Variants in CDC40 observed in about 807,000 individuals in gnomAD.
CDC40 encodes the protein pre-mRNA-processing factor 17.
Under a neutral mutation model 80.6 loss-of-function variants are expected in CDC40, and 27 were observed. The ratio of observed to expected loss-of-function variants is 0.33; its 90% CI spans 0.25 to 0.46. The LOEUF is 0.46. CDC40 is among the 20% of genes least tolerant of loss of function. The pLI, the probability that CDC40 is intolerant of heterozygous loss-of-function variation, is 1.00. For missense variants in CDC40, 486 were observed against 694.1 expected, an observed-to-expected ratio of 0.70 and a Z score of 3.37; for synonymous variants, 221 against 232.6, an observed-to-expected ratio of 0.95 and a Z score of 0.45.
chr6:110,219,746 G>T lies in CDC40; in HGVS notation c.1217G>T (p.Arg406Leu). The T allele has an allele frequency of 6.2e-7, 1 of 1,613,884 alleles. No individual in the cohort carries two copies. The highest frequency in any genetic ancestry group is 8.5e-7 in the Non-Finnish European group (1 of 1,179,928). ...TTGCCTGATACACAGTGGGACATTC[G>T]AAGTGGAGAAATTGTGCAGGAATAT... Reference protein sequence around the residue: ...SDKKIVQWDIRSGEIVQEYDR... With the variant: ...SDKKIVQWDILSGEIVQEYDR... Residue 406 changes from arginine (R) to leucine (L), a missense_variant, in exon 12 of 15, where the codon CGA becomes CTA. Physicochemically the swap from Arg to Leu is moderately radical, Grantham distance 102. This residue lies in a region of CDC40 where 381 missense variants were observed against 492.1 expected (regional missense o/e 0.77). Transcript: ENST00000307731.
chr6:110,210,203 A>G (rs1777618792), intron 5 of CDC40, among the ~76,000 whole-genome samples: 1 of 151,816 alleles, frequency 6.6e-6, no homozygotes, highest in Admixed American at 6.6e-5. Flanking sequence ...AGTATTATCT[A>G]GTATCCATTA....
Position 110,230,073 on chromosome 6 carries a change from A to G in CDC40, c.1682A>G (p.His561Arg). 1 of 1,612,894 alleles carries G rather than the reference A, an allele frequency of 6.2e-7. No homozygotes were observed. Among genetic ancestry groups the G allele is most frequent in the African/African-American group, 1.3e-5 (1 of 75,022 alleles). Reference sequence around the variant, plus strand: ...TGTATAGGTGCAGTGTGGCATCCTCATGAAACTTCTAAGGTCATAACATGT... The same window carrying G: ...TGTATAGGTGCAGTGTGGCATCCTCGTGAAACTTCTAAGGTCATAACATGT... ...KVCIGAVWHP[H>R]ETSKVITCGW... is the part of the protein sequence containing the mutation. The change falls in exon 15 of 15, where the codon CAT becomes CGT. Residue 561 changes from histidine to arginine, a missense_variant. Transcript: ENST00000307731.
chr6:110,220,501 G>A lies in CDC40; in HGVS notation c.1340+632G>A, dbSNP rs939275282. 5.9e-5 allele frequency among the ~76,000 whole-genome samples: 8 copies of A among 134,614 alleles called. No homozygotes were observed. In the Admixed American group the frequency reaches 6.2e-4, roughly 10 times the overall value. 88.3% of individuals were successfully genotyped at this position (134,614 alleles called of 152,430 possible). On this transcript the variant is annotated intron_variant, in intron 12 of 14. Coordinates refer to ENST00000307731, the MANE Select transcript of CDC40 (RefSeq NM_015891.3). ...TTCTTGCTGTGCCACCCAGGCTGCA[G>A]TGGCGCAATCTCAGCTCACTGCAAG...
chr6:110,190,214 T>C (rs1036198576), intron 1 of CDC40, among the ~76,000 whole-genome samples: 3 of 151,900 alleles, frequency 2.0e-5, no homozygotes. Flanking sequence ...GGAGGGAAGG[T>C]ATCAGGAAAA....
intron 2 of CDC40, among the ~76,000 whole-genome samples, chr6:110,194,578 AT>A (rs1192075892): frequency 1.3e-5 from 2 of 152,186 alleles, no homozygotes; most frequent in African/African-American, 4.8e-5. Flanking sequence ...GCACATTTTA[AT>A]TTTTATTCCA....
intron 12 of CDC40, among the ~76,000 whole-genome samples, chr6:110,221,319 G>C (rs776966700): frequency 1.3e-5 from 2 of 152,146 alleles, no homozygotes; most frequent in Admixed American, 6.5e-5. Flanking sequence ...CACAGCCAGT[G>C]GTTTCCTCTT....
In CDC40 at chr6:110,180,491, C is replaced by T. The variant is rs1193167852; in HGVS notation, c.47C>T (p.Ser16Leu). 1.4e-5 allele frequency: 22 copies of T among 1,614,078 alleles called. No individual in the cohort carries two copies. Among genetic ancestry groups the T allele is most frequent in the Non-Finnish European group, 1.9e-5 (22 of 1,180,046 alleles). The change falls in exon 1 of 15, where the codon TCA becomes TTA. Residue 16 changes from serine (S) to leucine (L), a missense_variant. By Grantham distance (145) the Ser-to-Leu change is moderately radical. Around this residue, in one of 3 missense-constraint regions of CDC40, gnomAD observed 381 missense variants for 492.1 expected, o/e 0.77. Transcript: ENST00000307731. ...CTGGCCGCTTCCTATGGTTCGGGTTCAGGGTCCGAATCGGACTCGGACAGT... is the reference window on the plus strand; with the variant it reads ...CTGGCCGCTTCCTATGGTTCGGGTTTAGGGTCCGAATCGGACTCGGACAGT... ...AALAASYGSG[S>L]GSESDSDSES...
intron 6 of CDC40, 139 bp from the exon 7 acceptor site, chr6:110,211,994 C>A: frequency 1.6e-6 from 1 of 640,296 alleles, no homozygotes; most frequent in Non-Finnish European, 2.7e-6. Flanking sequence ...GACTCATGAT[C>A]TTGACATCAT....
At chr6:110,223,569 G>A (rs1029588589) in intron 12 of CDC40, among the ~76,000 whole-genome samples, 3 of 152,124 alleles carry the variant, frequency 2.0e-5, no homozygotes, top group African/African-American at 7.2e-5. Context: ...AGGAGAGGAA[G>A]GGAGGCCCTG....
intron 9 of CDC40, 122 bp from the exon 10 acceptor site, chr6:110,217,580 G>A: frequency 3.1e-6 from 2 of 649,008 alleles, no homozygotes; most frequent in South Asian, 3.2e-5. Context: ...GCATTCCAGT[G>A]ATCTTGACTC....
Position 110,220,725 on chromosome 6 carries a change from G to A in CDC40, c.1340+856G>A, listed in dbSNP as rs191866881. Among the ~76,000 whole-genome samples, 742 of 152,280 alleles carry A rather than the reference G, an allele frequency of 4.9e-3. 7 individuals carry two copies. Among genetic ancestry groups the A allele is most frequent in the African/African-American group, 0.015 (626 of 41,558 alleles). On this transcript the variant is annotated intron_variant, in intron 12 of 14. Coordinates refer to ENST00000307731, the MANE Select transcript of CDC40 (RefSeq NM_015891.3). ...CTCCCAAAGTGCTGGGATTACAGGC[G>A]TGAGCCACTGCACCCAGCCAGAAAG... is the stretch of plus-strand genomic sequence containing the variant.
chr6:110,195,790 C>T (rs1005460000), intron 2 of CDC40, among the ~76,000 whole-genome samples: 4 of 152,002 alleles, frequency 2.6e-5, no homozygotes, highest in Non-Finnish European at 5.9e-5. Context: ...CGAGTCCTTA[C>T]CAGAAGAAAG....
At chr6:110,224,692 T>C (rs564163801) in intron 12 of CDC40, among the ~76,000 whole-genome samples, 1 of 152,318 alleles carries the variant, frequency 6.6e-6, no homozygotes, top group Admixed American at 6.5e-5. Context: ...CCCAGCCATG[T>C]TGTGTTTATT....
intron 12 of CDC40, among the ~76,000 whole-genome samples, chr6:110,220,813 A>G (rs1392747824): frequency 1.3e-5 from 2 of 152,184 alleles, no homozygotes; most frequent in Non-Finnish European, 2.9e-5. Flanking sequence ...GTTTCACTTT[A>G]TAAAACCATC....
intron 2 of CDC40, among the ~76,000 whole-genome samples, chr6:110,199,337 A>C (rs939527030): frequency 7.9e-5 from 12 of 151,846 alleles, no homozygotes; most frequent in Admixed American, 1.3e-4. Context: ...TCATGCCTAT[A>C]GACATCCCAG....
In CDC40 at chr6:110,219,352, CT is replaced by C. The variant is rs773641784; in HGVS notation, c.1091-9del. Reference sequence around the variant, plus strand: ...TTTATTTTACCTATTTAATTTGAGTCTTTGGTTTTAGGACAGTGTATATCAA... The same window carrying C: ...TTTATTTTACCTATTTAATTTGAGTCTTGGTTTTAGGACAGTGTATATCAA... On this transcript the variant is annotated splice_polypyrimidine_tract_variant and intron_variant, in intron 10 of 14. Coordinates refer to ENST00000307731, the MANE Select transcript of CDC40 (RefSeq NM_015891.3). The C allele has an allele frequency of 1.6e-6, 2 of 1,213,256 alleles. No individual in the cohort carries two copies. Among genetic ancestry groups the C allele is most frequent in the Non-Finnish European group, 1.2e-6 (1 of 832,180 alleles). 75.2% of individuals were successfully genotyped at this position (1,213,256 alleles called of 1,614,324 possible).
chr6:110,200,846 A>G (rs1676300600), intron 2 of CDC40, among the ~76,000 whole-genome samples: 2 of 152,210 alleles, frequency 1.3e-5, no homozygotes, highest in Admixed American at 6.5e-5. Flanking sequence ...CTGGAAACTC[A>G]AAAGTATTAT....
At chr6:110,218,755 A>G (rs6938139) in intron 10 of CDC40, among the ~76,000 whole-genome samples, 32,220 of 151,868 alleles carry the variant, frequency 0.21, 4,853 homozygotes, top group African/African-American at 0.43. Context: ...TATTTTGCAG[A>G]TTCTTTTAAA....
intron 13 of CDC40, among the ~76,000 whole-genome samples, chr6:110,228,612 T>C (rs1344556231): frequency 6.6e-6 from 1 of 152,116 alleles, no homozygotes; most frequent in African/African-American, 2.4e-5. Context: ...TGCTCAATGA[T>C]ATAGGATCGT....
Sources: allele counts gnomAD v4.1 joint callset (sites outside exome capture counted in the v4.1 genomes callset), GRCh38; gene constraint gnomAD v4.1.1; regional missense constraint gnomAD v4.1.1; transcripts MANE v1.5; gene names NCBI Gene and HGNC (gene_info 2026-07-23, HGNC 2026-07-21).